HENMT1: variants seen among roughly 807,000 people sequenced by gnomAD.
HENMT1 encodes the protein HEN methyltransferase 1, also known as small RNA 2'-O-methyltransferase.
A neutral mutation model predicts 31.1 loss-of-function variants in HENMT1; 27 were observed. The observed-to-expected ratio is 0.87, with a 90% CI of 0.64 to 1.20. The LOEUF is 1.20. Among genes scored for constraint, HENMT1 ranks in the 50% most tolerant of loss-of-function variants. HENMT1 has a pLI of 0.00. For missense variants in HENMT1, 438 were observed against 469.6 expected (o/e 0.93, Z 0.62); for synonymous variants, 167 against 172.2 (o/e 0.97, Z 0.24).
At chr1:108,659,754 C>T (rs1203982984) in intron 2 of HENMT1, 110 bp downstream of exon 2, 1 of 672,848 alleles carries the variant, frequency 1.5e-6, no homozygotes, top group Non-Finnish European at 2.6e-6. Flanking sequence ...ACCAACACCC[C>T]GGGAAATGCT....
intron 5 of HENMT1, among the ~76,000 whole-genome samples, chr1:108,652,980 A>T (rs1658104710): frequency 6.6e-6 from 1 of 151,490 alleles, no homozygotes; most frequent in African/African-American, 2.4e-5. Flanking sequence ...CATCCATGAC[A>T]ATTTCATTCC....
At chr1:108,658,779 C>G (rs1203706298) in intron 2 of HENMT1, among the ~76,000 whole-genome samples, 1 of 152,214 alleles carries the variant, frequency 6.6e-6, no homozygotes, top group Non-Finnish European at 1.5e-5. Context: ...CTTATTGCAA[C>G]AGTCCTCAAT....
intron 7 of HENMT1, chr1:108,649,403 C>G: frequency 2.2e-6 from 1 of 457,510 alleles, no homozygotes; most frequent in African/African-American, 2.0e-5. Context: ...AAGTTCAAGA[C>G]CAGCCTGGGC....
intron 5 of HENMT1, 21 bp from the exon 6 acceptor site, chr1:108,651,230 G>C: frequency 6.3e-7 from 1 of 1,585,660 alleles, no homozygotes; most frequent in East Asian, 2.2e-5. Context: ...TAATGAGAAA[G>C]ACATAATAAA....
At chr1:108,658,502 A>G (rs1215884552) in intron 2 of HENMT1, among the ~76,000 whole-genome samples, 1 of 152,208 alleles carries the variant, frequency 6.6e-6, no homozygotes, top group Non-Finnish European at 1.5e-5. Context: ...CCTGGGCTCA[A>G]GCAATCCTCT....
chr1:108,649,044 A>G (rs959696728), intron 7 of HENMT1, 53 bp from the exon 8 acceptor site: 1 of 1,417,746 alleles, frequency 7.1e-7, no homozygotes, highest in Non-Finnish European at 9.5e-7. Flanking sequence ...AAACATACAT[A>G]AATTTTCAAA....
At chr1:108,651,657 AAAAG>A (rs1014590159) in intron 5 of HENMT1, among the ~76,000 whole-genome samples, 3 of 151,936 alleles carry the variant, frequency 2.0e-5, no homozygotes, top group South Asian at 4.2e-4. Flanking sequence ...AGATAGAAGA[AAAAG>A]AAAGAAGGAA....
chr1:108,658,101 A>ATG (rs1658318603), intron 2 of HENMT1, among the ~76,000 whole-genome samples: 5 of 143,426 alleles, frequency 3.5e-5, no homozygotes, highest in African/African-American at 1.4e-4. Flanking sequence ...ACACATATAT[A>ATG]CACACACACA....
chr1:108,651,244 T>C, intron 5 of HENMT1, 35 bp from the exon 6 acceptor site: 1 of 1,527,278 alleles, frequency 6.5e-7, no homozygotes, highest in Non-Finnish European at 9.0e-7. Flanking sequence ...TAATAAAATC[T>C]AGCTTCACTT....
chr1:108,650,223 A>G lies in HENMT1; in HGVS notation c.744T>C (p.His248=), dbSNP rs1293647990. Residue 248 remains histidine (H), a synonymous_variant, in exon 7 of 8, where the codon CAT becomes CAC. Transcript: ENST00000651461. ...ESCLSEQHDQ[H]VYKAVFTTSY... The stretch of plus-strand genomic sequence containing the variant: ...AAAGAATACTCACAGCTTTATAAAC[A>G]TGCTGATCATGCTGCTCTGAAAGAC... 6.2e-7 allele frequency: 1 copy of G among 1,613,968 alleles called. No homozygotes were observed. Among genetic ancestry groups the G allele is most frequent in the Non-Finnish European group, 8.5e-7 (1 of 1,179,912 alleles).
intron 2 of HENMT1, among the ~76,000 whole-genome samples, chr1:108,659,624 T>TA (rs559073913): frequency 1.8e-4 from 27 of 152,218 alleles, no homozygotes; most frequent in South Asian, 6.2e-4. Context: ...GAACACTACT[T>TA]AGAGTGTTTT....
chr1:108,651,928 G>A (rs1658070363), intron 5 of HENMT1, among the ~76,000 whole-genome samples: 1 of 152,064 alleles, frequency 6.6e-6, no homozygotes, highest in Non-Finnish European at 1.5e-5. Flanking sequence ...CTGATATAAT[G>A]CATCAAGGAG....
intron 7 of HENMT1, 41 bp downstream of exon 7, chr1:108,650,170 G>T: frequency 1.3e-6 from 2 of 1,582,204 alleles, no homozygotes; most frequent in Non-Finnish European, 1.7e-6. Context: ...CCATCCTAAT[G>T]TATCTCTAGC....
chr1:108,650,961 C>A, intron 6 of HENMT1, 69 bp downstream of exon 6: 1 of 1,076,374 alleles, frequency 9.3e-7, no homozygotes, highest in South Asian at 1.5e-5. Flanking sequence ...GTATGTATAT[C>A]AATATTTATT....
chr1:108,648,561 AT>A lies in HENMT1; in HGVS notation c.*4del. On this transcript the variant is annotated 3_prime_UTR_variant, in exon 8 of 8. Transcript: ENST00000651461. ...GACCCTGAAATTTCAGGAAATAAAC[AT>A]GGTTCAAAACTCAAACTGTTCATCA... The A allele has an allele frequency of 6.2e-7, 1 of 1,606,686 alleles. No homozygotes were observed. The highest frequency in any genetic ancestry group is 8.5e-7 in the Non-Finnish European group (1 of 1,174,270).
At chr1:108,650,553 G>A (rs943003813) in intron 6 of HENMT1, among the ~76,000 whole-genome samples, 165 bp from the exon 7 acceptor site, 4 of 152,178 alleles carry the variant, frequency 2.6e-5, no homozygotes, top group Admixed American at 2.6e-4. Flanking sequence ...TCTAAGAGAA[G>A]TCAAGGCAAG....
chr1:108,650,580 C>T (rs781510056), intron 6 of HENMT1, among the ~76,000 whole-genome samples, 192 bp from the exon 7 acceptor site: 167 of 152,294 alleles, frequency 1.1e-3, no homozygotes, highest in Middle Eastern at 6.8e-3. Context: ...GTGTCAGTTT[C>T]CAATTTACCC....
intron 3 of HENMT1, among the ~76,000 whole-genome samples, chr1:108,657,099 G>A (rs1658268102): frequency 6.6e-6 from 1 of 152,082 alleles, no homozygotes; most frequent in South Asian, 2.1e-4. Flanking sequence ...CTGATCAATG[G>A]GAAGAAAATT....
chr1:108,648,706 CA>C lies in HENMT1; in HGVS notation c.1041del (p.Ala348ArgfsTer5). The C allele has an allele frequency of 1.2e-6, 2 of 1,614,198 alleles. No individual in the cohort carries two copies. The highest frequency in any genetic ancestry group is 8.5e-7 in the Non-Finnish European group (1 of 1,180,036). ...DKFFVPLQRLLAYPKLNRLCA... is the reference protein window; with the variant it reads ...DKFFVPLQRLXAYPKLNRLCA... The stretch of plus-strand genomic sequence containing the variant: ...CATAAGCGGTTCAACTTGGGATACG[CA>C]AGGAGTCTCTGCAGAGGTACGAAAA... On this transcript the variant is annotated frameshift_variant, in exon 8 of 8. Transcript: ENST00000651461. LOFTEE classifies it low-confidence loss of function (END_TRUNC).
Sources: allele counts gnomAD v4.1 joint callset (sites outside exome capture counted in the v4.1 genomes callset), GRCh38; gene constraint gnomAD v4.1.1; transcripts MANE v1.5; gene names NCBI Gene and HGNC (gene_info 2026-07-23, HGNC 2026-07-21).